Variants in HTR4 observed in about 807,000 individuals in gnomAD.
HTR4 encodes 5-hydroxytryptamine (serotonin) receptor 4, G protein-coupled.
HTR4 carries 16 observed loss-of-function variants against 36.8 expected under a neutral mutation model. The ratio of observed to expected loss-of-function variants is 0.43; its 90% CI spans 0.29 to 0.66. The LOEUF is 0.66. Ranked by LOEUF, HTR4 falls within the 30% of genes least tolerant of loss-of-function variation. HTR4 has a pLI of 0.13. For missense variants in HTR4, 438 were observed against 490.9 expected (o/e 0.89, Z 1.02); for synonymous variants, 189 against 185.1 (o/e 1.02, Z -0.17).
At chr5:148,588,525 T>C (rs1208116503) in intron 2 of HTR4, among the ~76,000 whole-genome samples, 1 of 115,728 alleles carries the variant, frequency 8.6e-6, no homozygotes, top group African/African-American at 3.0e-5. Flanking sequence ...TAGGTTTTAA[T>C]TCTTTTTTTT....
At chr5:148,564,509 T>C (rs1760353913) in intron 2 of HTR4, among the ~76,000 whole-genome samples, 1 of 152,180 alleles carries the variant, frequency 6.6e-6, no homozygotes, top group Non-Finnish European at 1.5e-5. Context: ...AGTAAACTGA[T>C]ATACAAGGTA....
intron 2 of HTR4, among the ~76,000 whole-genome samples, chr5:148,635,798 A>G (rs996235554): frequency 1.3e-5 from 2 of 152,162 alleles, no homozygotes; most frequent in African/African-American, 4.8e-5. Context: ...TTAGAGGAAA[A>G]TTAAAGACCT....
At position 148,482,569 on chromosome 5, in the gene HTR4, A is replaced by G. The variant is rs761054632; in HGVS notation, c.*634T>C. 9.1e-6 allele frequency: 9 copies of G among 986,532 alleles called. No individual in the cohort carries two copies. Among genetic ancestry groups the G allele is most frequent in the Non-Finnish European group, 7.2e-6 (6 of 830,760 alleles). The allele number at this position is 986,532 out of a possible 1,614,324, so 61.1% of individuals were successfully genotyped here. A position where few individuals can be genotyped will look rare whatever the true frequency, so the allele number is the denominator to read the frequency against. Reference sequence around the variant, plus strand: ...CTGAAGAGGAGGACAGACATTGGACATAAGGAAGAGCAAGTGGACGTCTGG... The same window carrying G: ...CTGAAGAGGAGGACAGACATTGGACGTAAGGAAGAGCAAGTGGACGTCTGG... On this transcript the variant is annotated 3_prime_UTR_variant, in exon 7 of 7. Coordinates refer to ENST00000377888, the MANE Select transcript of HTR4 (RefSeq NM_000870.7).
intron 1 of HTR4, among the ~76,000 whole-genome samples, chr5:148,649,970 C>A (rs1753985266): frequency 6.6e-6 from 1 of 152,038 alleles, no homozygotes. Context: ...AATGTAAATT[C>A]TCAGATCTCA....
At chr5:148,637,171 G>A (rs1316954144) in intron 1 of HTR4, 110 bp from the exon 2 acceptor site, 9 of 713,086 alleles carry the variant, frequency 1.3e-5, no homozygotes, top group Non-Finnish European at 2.1e-5. Flanking sequence ...GACTTGTTTT[G>A]TGGAAATATT....
intron 6 of HTR4, among the ~76,000 whole-genome samples, chr5:148,504,133 A>C: frequency 6.6e-6 from 1 of 152,226 alleles, no homozygotes; most frequent in East Asian, 1.9e-4. Flanking sequence ...TCAGCTCTGC[A>C]TCAAGCAGAC....
At chr5:148,643,604 T>TGG (rs1753790211) in intron 1 of HTR4, among the ~76,000 whole-genome samples, 3 of 152,218 alleles carry the variant, frequency 2.0e-5, no homozygotes, top group Non-Finnish European at 4.4e-5. Context: ...TGACCACAAA[T>TGG]TCTATGAGAA....
intron 2 of HTR4, among the ~76,000 whole-genome samples, chr5:148,613,937 T>C (rs1752551378): frequency 6.6e-6 from 1 of 152,020 alleles, no homozygotes; most frequent in Non-Finnish European, 1.5e-5. Flanking sequence ...CACAATTGCT[T>C]CAAAGAGAAT....
chr5:148,609,684 G>T (rs1752328750), intron 2 of HTR4, among the ~76,000 whole-genome samples: 1 of 151,382 alleles, frequency 6.6e-6, no homozygotes. Context: ...TCCTGCCTCA[G>T]CCTCCCGAGT....
chr5:148,527,499 C>T (rs1413146661), intron 4 of HTR4, among the ~76,000 whole-genome samples: 1 of 152,158 alleles, frequency 6.6e-6, no homozygotes, highest in Non-Finnish European at 1.5e-5. Flanking sequence ...TTTAATTTGC[C>T]TTACCCTAGA....
At chr5:148,474,776 T>G (rs895581729), downstream of HTR4, among the ~76,000 whole-genome samples, 3 of 152,170 alleles carry the variant, frequency 2.0e-5, no homozygotes, top group Non-Finnish European at 2.9e-5. Flanking sequence ...GCTCTGCTGT[T>G]TATAACTTGC....
At chr5:148,520,510 ACAGACT>A in intron 5 of HTR4, among the ~76,000 whole-genome samples, 1 of 152,200 alleles carries the variant, frequency 6.6e-6, no homozygotes, top group East Asian at 1.9e-4. Context: ...AATTAAGAGC[ACAGACT>A]CTGGAATCCA....
intron 2 of HTR4, among the ~76,000 whole-genome samples, chr5:148,569,371 G>A (rs1400500356): frequency 2.0e-5 from 3 of 152,030 alleles, no homozygotes; most frequent in Non-Finnish European, 2.9e-5. Context: ...ACGGGGAGAA[G>A]GGGAGTATCA....
chr5:148,568,744 C>T (rs957024631), intron 2 of HTR4, among the ~76,000 whole-genome samples: 4 of 152,222 alleles, frequency 2.6e-5, no homozygotes, highest in South Asian at 2.1e-4. Flanking sequence ...TTTTTGGATG[C>T]TAATTTGGCA....
chr5:148,466,075 G>C (rs1389548550), intron 5 of HTR4: 4 of 1,426,738 alleles, frequency 2.8e-6, no homozygotes, highest in Non-Finnish European at 1.9e-6. Context: ...TTTAGAGGAG[G>C]ATAAGGAGGG....
chr5:148,624,637 A>G (rs1421998563), intron 2 of HTR4, among the ~76,000 whole-genome samples: 1 of 152,206 alleles, frequency 6.6e-6, no homozygotes, highest in Non-Finnish European at 1.5e-5. Context: ...AACCTCAAAT[A>G]GAGAACTTGT....
chr5:148,451,161 C>G, exon 6 of HTR4: 1 of 1,613,424 alleles, frequency 6.2e-7, no homozygotes, highest in East Asian at 2.2e-5. Flanking sequence ...GAATGAATGG[C>G]TAAGTTGTGA....
intron 5 of HTR4, among the ~76,000 whole-genome samples, chr5:148,518,539 T>C (rs915128880): frequency 6.6e-6 from 1 of 152,296 alleles, no homozygotes. Context: ...TTTCTGCCAT[T>C]CCACAGTCAT....
chr5:148,521,478 C>A (rs530242554), intron 5 of HTR4, among the ~76,000 whole-genome samples: 1 of 151,810 alleles, frequency 6.6e-6, no homozygotes, highest in Non-Finnish European at 1.5e-5. Context: ...TGCCTTTGGA[C>A]TCAAACTAAA....
Sources: allele counts gnomAD v4.1 joint callset (sites outside exome capture counted in the v4.1 genomes callset), GRCh38; gene constraint gnomAD v4.1.1; transcripts MANE v1.5; gene names NCBI Gene and HGNC (gene_info 2026-07-23, HGNC 2026-07-21).